The following PPARGC1A variants were observed in gnomAD, a reference collection of about 807,000 sequenced individuals.
PPARGC1A encodes PPARG coactivator 1 alpha, also known as peroxisome proliferator-activated receptor gamma coactivator 1-alpha.
A neutral mutation model predicts 88.7 loss-of-function variants in PPARGC1A; 25 were observed. That is an observed-to-expected ratio of 0.28 (90% confidence interval 0.21 to 0.39). The LOEUF (loss-of-function observed/expected upper bound fraction) is 0.39, where lower values mean the gene tolerates loss of function less well. PPARGC1A is among the 10% of genes least tolerant of loss of function. The probability of loss-of-function intolerance (pLI) is 1.00; values close to 1 mark genes in which losing one functional copy is unlikely to be tolerated. For synonymous variants in PPARGC1A, 363 were observed against 355.6 expected (o/e 1.02, Z -0.24); for missense variants, 880 against 968.7 (o/e 0.91, Z 1.22).
chr4:24,341,326 C>T, the PPARGC1A span, among the ~76,000 whole-genome samples: 1 of 151,920 alleles, frequency 6.6e-6, no homozygotes, highest in Admixed American at 6.6e-5. Flanking sequence ...TATTTTCCTT[C>T]AGTGCTTGTA....
At chr4:24,055,021 G>A in the PPARGC1A span, among the ~76,000 whole-genome samples, 38 of 152,236 alleles carry the variant, frequency 2.5e-4, no homozygotes, top group Non-Finnish European at 4.1e-4. Context: ...CCCTTTTACC[G>A]ATGAGGAAGT....
chr4:24,430,357 A>G, the PPARGC1A span, among the ~76,000 whole-genome samples: 31 of 144,968 alleles, frequency 2.1e-4, no homozygotes, highest in East Asian at 6.0e-3. Context: ...TCCTGGGTTC[A>G]CGCCATTCTC....
intron 1 of PPARGC1A, among the ~76,000 whole-genome samples, chr4:23,895,691 C>T (rs61795680): frequency 1.3e-5 from 2 of 151,754 alleles, no homozygotes; most frequent in Non-Finnish European, 2.9e-5. Context: ...TCAGATACTA[C>T]TGGTAGGATT....
At chr4:24,472,719 G>A in the PPARGC1A span, among the ~76,000 whole-genome samples, 1 of 151,840 alleles carries the variant, frequency 6.6e-6, no homozygotes, top group Non-Finnish European at 1.5e-5. This position sits in a 1 kb window ranked among gnomAD's most constrained non-coding sequence, Gnocchi z 4.5. Flanking sequence ...TACCTAGATA[G>A]GTTCGTCCTG....
At chr4:24,425,373 G>A in the PPARGC1A span, among the ~76,000 whole-genome samples, 1 of 152,086 alleles carries the variant, frequency 6.6e-6, no homozygotes, top group African/African-American at 2.4e-5. Flanking sequence ...TGCTTCTCTA[G>A]CTTGGATTAT....
At position 23,795,814 on chromosome 4, in the gene PPARGC1A, G is replaced by T. The variant is rs761510888; in HGVS notation, c.*8C>A. ...CCATCCCTCTGTCATCCTCAGCTAG[G>T]GAACATGTTACCTGCGCAAGCTTCT... On this transcript the variant is annotated 3_prime_UTR_variant, in exon 13 of 13. Coordinates refer to ENST00000264867, the MANE Select transcript of PPARGC1A (RefSeq NM_013261.5). The T allele has an allele frequency of 2.5e-6, 4 of 1,599,790 alleles. No individual in the cohort carries two copies. The highest frequency in any genetic ancestry group is 1.1e-5 in the South Asian group (1 of 90,030).
chr4:24,128,803 C>A, the PPARGC1A span, among the ~76,000 whole-genome samples: 1 of 152,152 alleles, frequency 6.6e-6, no homozygotes, highest in Non-Finnish European at 1.5e-5. Context: ...CTTCCCTAAT[C>A]CCCTAAATAG....
the PPARGC1A span, among the ~76,000 whole-genome samples, chr4:24,265,463 C>T: frequency 6.6e-6 from 1 of 152,192 alleles, no homozygotes; most frequent in African/African-American, 2.4e-5. Flanking sequence ...CTCTTGAAAG[C>T]CAAATCCTCT....
Position 23,829,464 on chromosome 4 carries a change from T to C in PPARGC1A, c.551A>G (p.Lys184Arg). ...HRIRTNPAIV[K>R]TENSWSNKAK... Reference sequence around the variant, plus strand: ...GTATTAAAAAATTTACATTTGTACCTTAACAATTGCAGGGTTTGTTCTGAT... The same window carrying C: ...GTATTAAAAAATTTACATTTGTACCCTAACAATTGCAGGGTTTGTTCTGAT... The change falls in exon 4 of 13, where the codon AAG becomes AGG. Residue 184 changes from lysine to arginine, a missense_variant and splice_region_variant. Transcript: ENST00000264867. The C allele has an allele frequency of 6.2e-7, 1 of 1,612,978 alleles. No homozygotes were observed. Among genetic ancestry groups the C allele is most frequent in the Non-Finnish European group, 8.5e-7 (1 of 1,179,180 alleles).
chr4:24,106,567 C>T, the PPARGC1A span, among the ~76,000 whole-genome samples: 1 of 152,144 alleles, frequency 6.6e-6, no homozygotes, highest in Non-Finnish European at 1.5e-5. Flanking sequence ...TCTTCTATGG[C>T]AGACTGATTA....
At chr4:23,798,042 A>C (rs1413161920) in intron 12 of PPARGC1A, among the ~76,000 whole-genome samples, 2 of 151,812 alleles carry the variant, frequency 1.3e-5, no homozygotes, top group Admixed American at 6.6e-5. Flanking sequence ...AAGCTCCCCA[A>C]CTGGGTACCT....
the PPARGC1A span, among the ~76,000 whole-genome samples, chr4:24,449,761 T>C: frequency 6.6e-6 from 1 of 152,198 alleles, no homozygotes; most frequent in Non-Finnish European, 1.5e-5. Context: ...GAAATACCAC[T>C]CTATATTAAA....
chr4:24,390,429 G>A, the PPARGC1A span, among the ~76,000 whole-genome samples: 1 of 151,544 alleles, frequency 6.6e-6, no homozygotes, highest in Admixed American at 6.6e-5. Context: ...TTTTATTGTG[G>A]AAAATTATGA....
At chr4:23,810,655 T>G (rs1233010278) in intron 10 of PPARGC1A, among the ~76,000 whole-genome samples, 1 of 152,240 alleles carries the variant, frequency 6.6e-6, no homozygotes, top group African/African-American at 2.4e-5. Context: ...CTGGCTTTAG[T>G]TACAACTGTG....
chr4:24,457,693 C>G, the PPARGC1A span, among the ~76,000 whole-genome samples: 1 of 151,952 alleles, frequency 6.6e-6, no homozygotes, highest in Non-Finnish European at 1.5e-5. Context: ...TACAGGCACC[C>G]GACACCACGC....
At chr4:24,226,906 C>T in the PPARGC1A span, among the ~76,000 whole-genome samples, 13 of 152,222 alleles carry the variant, frequency 8.5e-5, no homozygotes, top group African/African-American at 2.2e-4. Flanking sequence ...CAGATGAGCT[C>T]GGTCACTCTC....
chr4:24,141,851 A>G, the PPARGC1A span, among the ~76,000 whole-genome samples: 1 of 152,300 alleles, frequency 6.6e-6, no homozygotes, highest in African/African-American at 2.4e-5. Context: ...CCATGAAAAT[A>G]AAAATCTCTG....
upstream of PPARGC1A, among the ~76,000 whole-genome samples, chr4:23,908,924 G>C (rs2946396): frequency 2.1e-3 from 320 of 152,284 alleles, 1 homozygote; most frequent in African/African-American, 7.4e-3. Flanking sequence ...CACTCCAAAT[G>C]ATAGTTCCGC....
chr4:24,335,231 C>T, the PPARGC1A span, among the ~76,000 whole-genome samples: 1 of 152,160 alleles, frequency 6.6e-6, no homozygotes, highest in Non-Finnish European at 1.5e-5. Context: ...GGATTTTACA[C>T]ATAGCATGTC....
Sources: allele counts gnomAD v4.1 joint callset (sites outside exome capture counted in the v4.1 genomes callset), GRCh38; gene constraint gnomAD v4.1.1; non-coding constraint Gnocchi (gnomAD v3.1); transcripts MANE v1.5; gene names NCBI Gene and HGNC (gene_info 2026-07-23, HGNC 2026-07-21).